Variants in PDE11A observed in about 807,000 individuals in gnomAD.
PDE11A encodes phosphodiesterase 11A.
A neutral mutation model predicts 100.5 loss-of-function variants in PDE11A; 100 were observed. The ratio of observed to expected loss-of-function variants is 1.00; its 90% CI spans 0.85 to 1.18. The LOEUF is 1.18. Ranked by LOEUF, PDE11A falls within the 50% of genes most tolerant of loss-of-function variation. The pLI is 0.00. For synonymous variants in PDE11A, 381 were observed against 420.8 expected, an observed-to-expected ratio of 0.91 and a Z score of 1.16; for missense variants, 1,141 against 1,152.6, an observed-to-expected ratio of 0.99 and a Z score of 0.15.
intron 1 of PDE11A, among the ~76,000 whole-genome samples, chr2:178,047,817 A>T (rs2086770950): frequency 6.6e-6 from 1 of 151,762 alleles, no homozygotes; most frequent in South Asian, 2.1e-4. Context: ...CATTTTCCTA[A>T]CCCCCCCATG....
chr2:177,645,468 T>G (rs1019228086), intron 19 of PDE11A, among the ~76,000 whole-genome samples: 4 of 152,238 alleles, frequency 2.6e-5, no homozygotes, highest in Admixed American at 6.5e-5. Context: ...AGTGCTGGGA[T>G]TACAGGCATG....
chr2:178,012,520 G>T (rs984959949), intron 2 of PDE11A, among the ~76,000 whole-genome samples: 3 of 152,160 alleles, frequency 2.0e-5, no homozygotes, highest in Non-Finnish European at 4.4e-5. Context: ...AGTGTGAGCT[G>T]TGCATCCAAG....
intron 6 of PDE11A, among the ~76,000 whole-genome samples, chr2:177,826,533 T>C (rs1277813438): frequency 6.6e-6 from 1 of 152,238 alleles, no homozygotes; most frequent in Non-Finnish European, 1.5e-5. Flanking sequence ...GAACTGAGTT[T>C]GGCCTATCTT....
chr2:177,886,693 T>TA (rs1188765115), intron 4 of PDE11A, among the ~76,000 whole-genome samples: 1 of 152,204 alleles, frequency 6.6e-6, no homozygotes, highest in Admixed American at 6.5e-5. Context: ...TCCTGAATGA[T>TA]ACTGTTTTGT....
chr2:177,824,186 G>A (rs1308872880), intron 6 of PDE11A, among the ~76,000 whole-genome samples: 1 of 152,106 alleles, frequency 6.6e-6, no homozygotes, highest in Non-Finnish European at 1.5e-5. Flanking sequence ...AGTAAAGGTG[G>A]AAGAGTTCTT....
At chr2:178,101,652 C>T (rs549707316) in intron 2 of PDE11A, among the ~76,000 whole-genome samples, 9 of 152,284 alleles carry the variant, frequency 5.9e-5, no homozygotes, top group African/African-American at 2.2e-4. Flanking sequence ...CGCAATTCAT[C>T]TTATTAACAT....
intron 10 of PDE11A, among the ~76,000 whole-genome samples, chr2:177,753,340 T>C (rs1308364473): frequency 6.6e-6 from 1 of 152,068 alleles, no homozygotes; most frequent in African/African-American, 2.4e-5. Context: ...ATACATTCCA[T>C]CAATATTAAT....
At chr2:178,010,855 T>C (rs897778586) in intron 2 of PDE11A, among the ~76,000 whole-genome samples, 1 of 152,204 alleles carries the variant, frequency 6.6e-6, no homozygotes, top group African/African-American at 2.4e-5. Flanking sequence ...TAAAAGAGTA[T>C]GTGTATTAAT....
intron 14 of PDE11A, 39 bp from the exon 15 acceptor site, chr2:177,697,471 T>G: frequency 1.0e-6 from 1 of 961,756 alleles, no homozygotes; most frequent in Non-Finnish European, 1.7e-6. Flanking sequence ...AGACATTAAA[T>G]CTGTGGTTGT....
At chr2:177,636,554 C>G (rs1211639433) in intron 19 of PDE11A, among the ~76,000 whole-genome samples, 1 of 152,094 alleles carries the variant, frequency 6.6e-6, no homozygotes. Context: ...TTCTCAGGAA[C>G]TTTATGAAAT....
intron 10 of PDE11A, among the ~76,000 whole-genome samples, chr2:177,731,904 C>T (rs1442316745): frequency 6.6e-6 from 1 of 152,032 alleles, no homozygotes; most frequent in Admixed American, 6.6e-5. Flanking sequence ...AAGTCCCTTC[C>T]CAATTTCTTT....
chr2:178,071,413 A>G, intron 1 of PDE11A, 113 bp downstream of exon 1: 2 of 1,341,778 alleles, frequency 1.5e-6, no homozygotes, highest in East Asian at 2.3e-5. Flanking sequence ...AAATAGCAAA[A>G]TTTGTATTGT....
At chr2:177,820,379 T>C in intron 6 of PDE11A, 84 bp from the exon 7 acceptor site, 3 of 814,750 alleles carry the variant, frequency 3.7e-6, no homozygotes, top group Non-Finnish European at 6.3e-6. Context: ...TCATAACAGA[T>C]ATTCAAAAAT....
intron 1 of PDE11A, among the ~76,000 whole-genome samples, chr2:178,051,878 C>A (rs1327203275): frequency 6.6e-6 from 1 of 152,086 alleles, no homozygotes; most frequent in African/African-American, 2.4e-5. Flanking sequence ...CCTTAGAGAC[C>A]TACAAAGAGA....
chr2:177,943,945 T>G (rs1158389240), intron 2 of PDE11A, among the ~76,000 whole-genome samples: 1 of 152,246 alleles, frequency 6.6e-6, no homozygotes, highest in Non-Finnish European at 1.5e-5. Context: ...TGCATGTCGA[T>G]GTTCAGTTTT....
intron 2 of PDE11A, among the ~76,000 whole-genome samples, chr2:178,091,371 C>G (rs545948893): frequency 6.6e-6 from 1 of 152,138 alleles, no homozygotes; most frequent in Non-Finnish European, 1.5e-5. Flanking sequence ...GCACCTAGCC[C>G]ACTAATATCT....
intron 9 of PDE11A, among the ~76,000 whole-genome samples, chr2:177,816,206 A>T (rs1438310362): frequency 2.0e-5 from 3 of 152,138 alleles, no homozygotes; most frequent in Non-Finnish European, 4.4e-5. Context: ...AACAAAAACA[A>T]AAACAAAACA....
At chr2:177,690,975 A>T (rs2081032829) in intron 15 of PDE11A, among the ~76,000 whole-genome samples, 1 of 152,212 alleles carries the variant, frequency 6.6e-6, no homozygotes, top group Admixed American at 6.5e-5. Flanking sequence ...ATGATAATTC[A>T]GTATCAAAAA....
At chr2:177,790,912 A>T (rs2082620277) in intron 9 of PDE11A, among the ~76,000 whole-genome samples, 1 of 152,234 alleles carries the variant, frequency 6.6e-6, no homozygotes, top group African/African-American at 2.4e-5. Flanking sequence ...GATGTGGAGA[A>T]ATAGGAACAC....
Sources: gnomAD v4.1 joint callset for allele counts (sites outside exome capture counted in the v4.1 genomes callset) on GRCh38, gnomAD v4.1.1 for gene constraint, MANE v1.5 for transcripts, NCBI Gene and HGNC (gene_info 2026-07-23, HGNC 2026-07-21) for gene names.